The following PPIL2 variants were observed in gnomAD, a reference collection of about 807,000 sequenced individuals.
The protein encoded by PPIL2 is RING-type E3 ubiquitin-protein ligase PPIL2.
PPIL2 carries 50 observed loss-of-function variants against 75.2 expected under a neutral mutation model. That is an observed-to-expected ratio of 0.66 (90% CI 0.53 to 0.84). PPIL2 has a LOEUF of 0.84. Ranked by LOEUF, PPIL2 falls within the 40% of genes least tolerant of loss-of-function variation. PPIL2 has a pLI of 0.00. For missense variants in PPIL2, 590 were observed against 685.0 expected (o/e 0.86, Z 1.55); for synonymous variants, 245 against 258.8 (o/e 0.95, Z 0.51).
intron 14 of PPIL2, 39 bp from the exon 15 acceptor site, chr22:21,688,693 G>A: frequency 6.3e-7 from 1 of 1,595,116 alleles, no homozygotes; most frequent in South Asian, 1.1e-5. Flanking sequence ...CTCGGCTGGG[G>A]CCCAGGCTTT....
intron 15 of PPIL2, among the ~76,000 whole-genome samples, chr22:21,691,535 C>G (rs1259409005): frequency 1.3e-5 from 2 of 151,972 alleles, no homozygotes; most frequent in Non-Finnish European, 2.9e-5. Context: ...AGAAAACTAG[C>G]CGGGCATGGT....
chr22:21,669,476 T>C, intron 1 of PPIL2: 1 of 387,106 alleles, frequency 2.6e-6, no homozygotes, highest in South Asian at 1.9e-5. Flanking sequence ...TATCACTGTG[T>C]GGCTGACATA....
chr22:21,682,316 C>T lies in PPIL2; in HGVS notation c.388-121C>T. ...CAGTGGGGTGTACACTGCTGTCTCT[C>T]TCATTCCTCATGCCTCTCAAATCGT... On this transcript the variant is annotated intron_variant, in intron 7 of 19. Coordinates refer to ENST00000398831, the MANE Select transcript of PPIL2 (RefSeq NM_014337.4). 9.9e-6 allele frequency: 8 copies of T among 810,356 alleles called. 1 individual carries two copies. In the South Asian group the frequency reaches 1.2e-4, roughly 12 times the overall value. The allele number at this position is 810,356 out of a possible 1,614,324, so 50.2% of individuals were successfully genotyped here. A position where few individuals can be genotyped will look rare whatever the true frequency, so the allele number is the denominator to read the frequency against.
At chr22:21,672,450 G>C (rs55671725) in intron 5 of PPIL2, 69 bp downstream of exon 5, 30 of 1,485,236 alleles carry the variant, frequency 2.0e-5, no homozygotes, top group Non-Finnish European at 2.8e-5. Flanking sequence ...TTTTGTTCTG[G>C]TGGTTTTCAT....
chr22:21,691,457 G>C (rs1442821752), intron 15 of PPIL2, among the ~76,000 whole-genome samples: 2 of 152,038 alleles, frequency 1.3e-5, no homozygotes, highest in Non-Finnish European at 2.9e-5. Context: ...GAGGCAGGCG[G>C]ATCACGAGGT....
At chr22:21,678,893 ATTTTT>A (rs10706275) in intron 6 of PPIL2, among the ~76,000 whole-genome samples, 2 of 118,148 alleles carry the variant, frequency 1.7e-5, no homozygotes, top group African/African-American at 3.2e-5. Flanking sequence ...TGCCCAGCCA[ATTTTT>A]TTTTTTTTTT....
In PPIL2 at chr22:21,686,439, C is replaced by T. The variant is rs1456684389; in HGVS notation, c.715-44C>T. The T allele has an allele frequency of 3.2e-6, 5 of 1,576,090 alleles. No individual in the cohort carries two copies. The South Asian group carries it at 4.4e-5, about 14-fold the overall frequency. ...CAAGCGACACGTCCCCACCCAACTG[C>T]CTCCCATGGCACTGCTGAGGTGCCA... On this transcript the variant is annotated intron_variant, in intron 10 of 19. Coordinates refer to ENST00000398831, the MANE Select transcript of PPIL2 (RefSeq NM_014337.4).
At chr22:21,691,171 T>G (rs1275943944) in intron 15 of PPIL2, among the ~76,000 whole-genome samples, 1 of 151,612 alleles carries the variant, frequency 6.6e-6, no homozygotes, top group East Asian at 2.0e-4. Flanking sequence ...CTCCAACTCC[T>G]GACCTCAGGT....
At chr22:21,688,379 T>TC (rs1241930837) in intron 14 of PPIL2, among the ~76,000 whole-genome samples, 1 of 152,160 alleles carries the variant, frequency 6.6e-6, no homozygotes, top group Non-Finnish European at 1.5e-5. Flanking sequence ...CAGCCCTCCC[T>TC]CCTGCAGCCT....
rs150819622 is a variant in PPIL2, at chr22:21,682,479, C to T, written c.430C>T (p.Leu144=). The T allele has an allele frequency of 6.4e-4, 1,031 of 1,612,508 alleles. 9 individuals carry two copies. In the Middle Eastern group the frequency reaches 0.01, roughly 16 times the overall value. The change falls in exon 8 of 20, where the codon CTG becomes TTG. Residue 144 remains leucine, a synonymous_variant. Coordinates refer to ENST00000398831, the MANE Select transcript of PPIL2 (RefSeq NM_014337.4). ...LNIKAKNFRD[L]LTDEPFSRQD... ...TATCAAGGCCAAGAACTTCCGGGACCTGCTGACCGACGAGCCCTTCTCCCG... is the reference window on the plus strand; with the variant it reads ...TATCAAGGCCAAGAACTTCCGGGACTTGCTGACCGACGAGCCCTTCTCCCG...
chr22:21,696,701 T>G lies in PPIL2; in HGVS notation c.*1211T>G. On this transcript the variant is annotated 3_prime_UTR_variant, in exon 20 of 20. Transcript: ENST00000398831. The stretch of plus-strand genomic sequence containing the variant: ...ACACTAAGCCCTAACTTAGGCCTTG[T>G]TCTTGGTTTTCTCATTTTTGTTGCC... 6.5e-7 allele frequency: 1 copy of G among 1,535,344 alleles called. No individual in the cohort carries two copies. The highest frequency in any genetic ancestry group is 1.7e-4 in the Middle Eastern group (1 of 5,984).
chr22:21,677,291 G>A lies in PPIL2; in HGVS notation c.295+2176G>A, dbSNP rs572331870. ...AGAGACGCTCCTCACATCCCAGACA[G>A]GGTGGCGGCCGGGCAGAGGCTGCAA... On this transcript the variant is annotated intron_variant, in intron 6 of 19. Transcript: ENST00000398831. Among the ~76,000 whole-genome samples, 6 of 152,072 alleles carry A rather than the reference G, an allele frequency of 3.9e-5. No individual in the cohort carries two copies. The South Asian group carries it at 1.0e-3, about 26-fold the overall frequency.
At chr22:21,671,133 A>T (rs760477838) in intron 4 of PPIL2, 74 bp downstream of exon 4, 262 of 1,403,444 alleles carry the variant, frequency 1.9e-4, no homozygotes, top group Non-Finnish European at 2.6e-4. Context: ...GACCCTTGGT[A>T]CCCTTGGGTA....
In PPIL2 at chr22:21,697,804, T is replaced by A. The variant is rs926615851; in HGVS notation, c.*2314T>A. ...AAATGAAGGTTTACATTTCTGTAGT[T>A]TGTTTGTTTTAGAGCTTAATTTGTA... On this transcript the variant is annotated 3_prime_UTR_variant, in exon 20 of 20. Transcript: ENST00000398831. The A allele has an allele frequency of 6.6e-6, 1 of 152,340 alleles. No individual in the cohort carries two copies. Among genetic ancestry groups the A allele is most frequent in the East Asian group, 1.9e-4 (1 of 5,326 alleles). 9.4% of individuals were successfully genotyped at this position (152,340 alleles called of 1,614,324 possible).
chr22:21,685,064 A>G (rs1336336294), intron 10 of PPIL2, 151 bp downstream of exon 10: 7 of 1,147,550 alleles, frequency 6.1e-6, no homozygotes, highest in Non-Finnish European at 8.4e-6. Flanking sequence ...GGTGCCCCTG[A>G]TGGCTCTGAG....
At position 21,696,232 on chromosome 22, in the gene PPIL2, GC is replaced by G; in HGVS notation, c.*745del. On this transcript the variant is annotated 3_prime_UTR_variant, in exon 20 of 20. Transcript: ENST00000398831. ...GCCGTGCCCTGCCTGAGCTCTCAGG[GC>G]CCTGCTCACCTGCTCTGGCTGTGAA... 1 of 1,012,134 alleles carries G rather than the reference GC, an allele frequency of 9.9e-7. No individual in the cohort carries two copies. The highest frequency in any genetic ancestry group is 1.2e-6 in the Non-Finnish European group (1 of 845,336). The allele number at this position is 1,012,134 out of a possible 1,614,324, so 62.7% of individuals were successfully genotyped here.
chr22:21,672,545 T>C (rs1372299068), intron 5 of PPIL2, among the ~76,000 whole-genome samples, 164 bp downstream of exon 5: 1 of 152,170 alleles, frequency 6.6e-6, no homozygotes, highest in East Asian at 1.9e-4. Context: ...CCCATTCTTT[T>C]CCAGAAATGC....
intron 6 of PPIL2, among the ~76,000 whole-genome samples, chr22:21,677,479 G>A (rs923975861): frequency 2.0e-5 from 3 of 152,236 alleles, no homozygotes; most frequent in Non-Finnish European, 4.4e-5. Flanking sequence ...CAGGTCACTC[G>A]CGGTTAGGAG....
intron 15 of PPIL2, among the ~76,000 whole-genome samples, chr22:21,692,062 T>C (rs2067666612): frequency 7.4e-6 from 1 of 135,062 alleles, no homozygotes; most frequent in Non-Finnish European, 1.7e-5. Flanking sequence ...ATGTCTTCCA[T>C]CGTTTTCTTT....
Sources: allele counts gnomAD v4.1 joint callset (sites outside exome capture counted in the v4.1 genomes callset), GRCh38; gene constraint gnomAD v4.1.1; transcripts MANE v1.5; gene names NCBI Gene and HGNC (gene_info 2026-07-23, HGNC 2026-07-21).